IARS1: variants seen among roughly 807,000 people sequenced by gnomAD.
IARS1 encodes the protein isoleucine--tRNA ligase, cytoplasmic.
A neutral mutation model predicts 168.2 loss-of-function variants in IARS1; 124 were observed. The observed-to-expected ratio is 0.74, with a 90% confidence interval of 0.64 to 0.86. The LOEUF (loss-of-function observed/expected upper bound fraction) is 0.86. Among genes scored for constraint, IARS1 ranks in the 40% least tolerant of loss-of-function variants. The probability of loss-of-function intolerance (pLI) is 0.00; values close to 1 mark genes in which losing one functional copy is unlikely to be tolerated. For missense variants in IARS1, 1,452 were observed against 1,515.8 expected (o/e 0.96, Z 0.70); for synonymous variants, 532 against 529.4 (o/e 1.00, Z -0.07).
chr9:92,223,856 T>A (rs1385798522), intron 31 of IARS1, among the ~76,000 whole-genome samples: 1 of 152,250 alleles, frequency 6.6e-6, no homozygotes, highest in Non-Finnish European at 1.5e-5. Flanking sequence ...CAGAAGATGT[T>A]ATTTGACTCA....
intron 16 of IARS1, among the ~76,000 whole-genome samples, chr9:92,263,370 A>G (rs140292631): frequency 1.3e-5 from 2 of 152,356 alleles, no homozygotes; most frequent in African/African-American, 4.8e-5. Context: ...ACCTAGCTGA[A>G]GATGAAGGAT....
In IARS1 at chr9:92,284,778, A is replaced by G. The variant is rs561756759; in HGVS notation, c.597+944T>C. Among the ~76,000 whole-genome samples the G allele has an allele frequency of 6.6e-5, 10 of 152,322 alleles. No individual in the cohort carries two copies. The South Asian group carries it at 1.2e-3, about 19-fold the overall frequency. ...AGCAAGACTCTGACTCAAACAAACA[A>G]ACAAACAAAAACCAAATATAGCAAT... is the stretch of plus-strand genomic sequence containing the variant. On this transcript the variant is annotated intron_variant, in intron 6 of 33. Transcript: ENST00000443024.
chr9:92,257,533 C>T (rs1339718292), intron 19 of IARS1, among the ~76,000 whole-genome samples: 1 of 152,192 alleles, frequency 6.6e-6, no homozygotes, highest in Non-Finnish European at 1.5e-5. Context: ...CAGAGAACCA[C>T]ATGCAGGACA....
At chr9:92,235,209 G>GGGT (rs1332930058) in intron 30 of IARS1, among the ~76,000 whole-genome samples, 1 of 152,098 alleles carries the variant, frequency 6.6e-6, no homozygotes, top group African/African-American at 2.4e-5. Context: ...TTATCTGCAT[G>GGGT]ACTTTTATTT....
intron 20 of IARS1, among the ~76,000 whole-genome samples, chr9:92,254,317 C>T (rs1171367468): frequency 1.3e-5 from 2 of 152,114 alleles, no homozygotes; most frequent in Non-Finnish European, 2.9e-5. Flanking sequence ...TCATTCACCT[C>T]CCATTTAATT....
At chr9:92,259,443 G>A (rs1831209787) in intron 18 of IARS1, among the ~76,000 whole-genome samples, 1 of 152,172 alleles carries the variant, frequency 6.6e-6, no homozygotes, top group Admixed American at 6.5e-5. Context: ...GGTTAGGGAT[G>A]CTGCTAAACA....
intron 26 of IARS1, among the ~76,000 whole-genome samples, chr9:92,245,936 TTGTG>T (rs369456728): frequency 6.6e-6 from 1 of 151,032 alleles, no homozygotes; most frequent in African/African-American, 2.4e-5. Flanking sequence ...CTGGCTAATT[TTGTG>T]TGTGTGTGTG....
chr9:92,244,987 G>A lies in IARS1; in HGVS notation c.2876C>T (p.Ala959Val), dbSNP rs748755102. The A allele has an allele frequency of 1.3e-5, 21 of 1,613,876 alleles. No homozygotes were observed. Among genetic ancestry groups the A allele is most frequent in the South Asian group, 2.2e-5 (2 of 91,070 alleles). The stretch of plus-strand genomic sequence containing the variant: ...AGCATCTGAGTGTGCTTCAAATTGC[G>A]CAGTCCCACCTGTGGCCTGATCAAA... Reference protein sequence around the residue: ...YTFDQATGGTAQFEAHSDAQA... With the variant: ...YTFDQATGGTVQFEAHSDAQA... Residue 959 changes from alanine (A) to valine (V), a missense_variant, in exon 27 of 34, where the codon GCG (alanine) becomes GTG (valine). Transcript: ENST00000443024.
rs1485417272 is a variant in IARS1 at position 92,278,283 on chromosome 9, A to G, written c.749T>C (p.Val250Ala). 8.1e-6 allele frequency: 13 copies of G among 1,608,476 alleles called. No individual in the cohort carries two copies. Among genetic ancestry groups the G allele is most frequent in the Non-Finnish European group, 1.1e-5 (13 of 1,174,894 alleles). Residue 250 changes from valine (V) to alanine (A), a missense_variant, in exon 8 of 34, where the codon GTT (valine) becomes GCT (alanine). Coordinates refer to ENST00000443024, the MANE Select transcript of IARS1 (RefSeq NM_002161.6). ...PEMQYVKIKD[V>A]ARGRLLILME... ...TAAAATGAGTAATCGTCCTCTGGCAACATCTACGAGAAAAAGGAAAAACAT... is the reference window on the plus strand; with the variant it reads ...TAAAATGAGTAATCGTCCTCTGGCAGCATCTACGAGAAAAAGGAAAAACAT...
At chr9:92,285,109 C>G (rs925593484) in intron 6 of IARS1, among the ~76,000 whole-genome samples, 29 of 152,130 alleles carry the variant, frequency 1.9e-4, no homozygotes, top group Non-Finnish European at 4.1e-4. Context: ...AACAGAGGGT[C>G]AGATAAACTC....
intron 28 of IARS1, chr9:92,242,969 C>T (rs1163051583): frequency 7.4e-6 from 3 of 405,850 alleles, no homozygotes; most frequent in South Asian, 2.2e-5. Flanking sequence ...TCTGTAGAAG[C>T]CCAACGGAGC....
At chr9:92,217,329 C>T (rs1838881647) in intron 33 of IARS1, among the ~76,000 whole-genome samples, 1 of 144,178 alleles carries the variant, frequency 6.9e-6, no homozygotes, top group Non-Finnish European at 1.5e-5. Flanking sequence ...CAGGAAAGAT[C>T]CAAAATTGAC....
intron 9 of IARS1, among the ~76,000 whole-genome samples, chr9:92,274,770 C>A (rs922072982): frequency 5.9e-5 from 9 of 152,110 alleles, no homozygotes; most frequent in Non-Finnish European, 8.8e-5. Flanking sequence ...TTTCTAATTT[C>A]CTTGGTTACA....
chr9:92,258,702 T>C (rs1831082716), intron 19 of IARS1, 152 bp downstream of exon 19: 12 of 694,496 alleles, frequency 1.7e-5, no homozygotes, highest in Non-Finnish European at 2.5e-5. Flanking sequence ...CGCACCTGCA[T>C]GTATGGCCTC....
intron 33 of IARS1, among the ~76,000 whole-genome samples, chr9:92,220,426 AAAT>A (rs1287046179): frequency 6.6e-6 from 1 of 151,960 alleles, no homozygotes; most frequent in South Asian, 2.1e-4. Context: ...ATAATAATAA[AAAT>A]AATAATCATA....
At chr9:92,244,471 T>C (rs2133634132) in intron 27 of IARS1, among the ~76,000 whole-genome samples, 1 of 152,328 alleles carries the variant, frequency 6.6e-6, no homozygotes, top group South Asian at 2.1e-4. Flanking sequence ...TGGTCAGGAC[T>C]GCAAAGAGAT....
chr9:92,280,677 C>T (rs1038907682), intron 7 of IARS1, 69 bp downstream of exon 7: 1 of 989,286 alleles, frequency 1.0e-6, no homozygotes, highest in Non-Finnish European at 1.5e-6. Context: ...GAAAGGTAAG[C>T]TTTCATATTT....
At chr9:92,221,930 T>G (rs73516514) in intron 33 of IARS1, among the ~76,000 whole-genome samples, 3,089 of 152,324 alleles carry the variant, frequency 0.02, 111 homozygotes, top group African/African-American at 0.07. Flanking sequence ...TCAGCAAATA[T>G]GCTGATTTAC....
chr9:92,292,288 C>T (rs1836493857), intron 1 of IARS1, among the ~76,000 whole-genome samples: 1 of 151,566 alleles, frequency 6.6e-6, no homozygotes, highest in South Asian at 2.1e-4. Context: ...ATCCTCTTGC[C>T]CTGGGCTCCC....
Sources: allele counts gnomAD v4.1 joint callset (sites outside exome capture counted in the v4.1 genomes callset), GRCh38; gene constraint gnomAD v4.1.1; transcripts MANE v1.5; gene names NCBI Gene and HGNC (gene_info 2026-07-23, HGNC 2026-07-21).